The following AGAP3 variants were observed in gnomAD, a reference collection of about 807,000 sequenced individuals.
AGAP3 encodes the protein ArfGAP with GTPase domain, ankyrin repeat and PH domain 3, also known as arf-GAP with GTPase, ANK repeat and PH domain-containing protein 3.
Under a neutral mutation model 96.9 loss-of-function variants are expected in AGAP3, and 24 were observed. The observed-to-expected ratio is 0.25, with a 90% CI of 0.18 to 0.35. AGAP3 has a LOEUF of 0.35. Among genes scored for constraint, AGAP3 ranks in the 10% least tolerant of loss-of-function variants. AGAP3 has a pLI of 1.00. For missense variants in AGAP3, 876 were observed against 1,254.2 expected (o/e 0.70, Z 4.55); for synonymous variants, 563 against 536.1 (o/e 1.05, Z -0.69).
chr7:151,092,186 C>G (rs949924905), intron 1 of AGAP3, among the ~76,000 whole-genome samples: 1 of 152,164 alleles, frequency 6.6e-6, no homozygotes, highest in East Asian at 1.9e-4. Context: ...CCACACCGCT[C>G]GTTTGTGCTT....
At chr7:151,122,602 C>CTCCTCT in intron 8 of AGAP3, 1 of 1,096,380 alleles carries the variant, frequency 9.1e-7, no homozygotes, top group Non-Finnish European at 1.3e-6. Context: ...CCTCCTCCTC[C>CTCCTCT]TCCTCTTCAT....
At position 151,123,891 on chromosome 7, in the gene AGAP3, G is replaced by T; in HGVS notation, c.1221+5G>T. On this transcript the variant is annotated splice_donor_5th_base_variant and intron_variant, in intron 9 of 17. Coordinates refer to ENST00000397238, the MANE Select transcript of AGAP3 (RefSeq NM_031946.7). ...CGCGCCATCCCCATCAAGCAGGTCA[G>T]CGCCTCCCTTCCCGTGTGCTCCAGG... The T allele has an allele frequency of 6.2e-7, 1 of 1,604,882 alleles. No individual in the cohort carries two copies. The highest frequency in any genetic ancestry group is 8.5e-7 in the Non-Finnish European group (1 of 1,179,648).
At chr7:151,138,885 C>G (rs1451366358) in intron 12 of AGAP3, among the ~76,000 whole-genome samples, 3 of 152,172 alleles carry the variant, frequency 2.0e-5, no homozygotes, top group Admixed American at 6.5e-5. Context: ...AGATAGGCCT[C>G]CACCCATCCT....
In AGAP3 at chr7:151,120,060, G is replaced by A. The variant is rs752599574; in HGVS notation, c.1043G>A (p.Arg348Gln). 1.9e-6 allele frequency: 3 copies of A among 1,613,860 alleles called. No homozygotes were observed. Among genetic ancestry groups the A allele is most frequent in the South Asian group, 2.2e-5 (2 of 91,072 alleles). Residue 348 changes from arginine (R) to glutamine (Q), a missense_variant, in exon 8 of 18, where the codon CGG becomes CAG. Coordinates refer to ENST00000397238, the MANE Select transcript of AGAP3 (RefSeq NM_031946.7). ...CCCTCCACCCCCAGCATCAGCCAGC[G>A]GGAGCTGCGCATCGAGACCATCGCT... The part of the protein sequence containing the change: ...SVPSTPSISQ[R>Q]ELRIETIAAS...
chr7:151,129,739 T>C (rs1584772790), intron 10 of AGAP3, among the ~76,000 whole-genome samples: 1 of 130,976 alleles, frequency 7.6e-6, no homozygotes, highest in Non-Finnish European at 1.5e-5. Flanking sequence ...CACTCGCGAG[T>C]CCTTGCGAGG....
At position 151,118,644 on chromosome 7, in the gene AGAP3, GC is replaced by G; in HGVS notation, c.969+16del. ...TGCACATCAACCAGGTTCGGCCTGT[GC>G]CCCGCCCTGCCCTTCCTGTCCCCAC... On this transcript the variant is annotated intron_variant, in intron 7 of 17. Coordinates refer to ENST00000397238, the MANE Select transcript of AGAP3 (RefSeq NM_031946.7). This position sits in a 1 kb window ranked among gnomAD's most constrained non-coding sequence, Gnocchi z 6.1. 2 of 1,609,462 alleles carry G rather than the reference GC, an allele frequency of 1.2e-6. No individual in the cohort carries two copies. The highest frequency in any genetic ancestry group is 8.5e-7 in the Non-Finnish European group (1 of 1,179,090).
chr7:151,143,141 C>T lies in AGAP3; in HGVS notation c.2274-200C>T, dbSNP rs375991561. Among the ~76,000 whole-genome samples, 29 of 152,356 alleles carry T rather than the reference C, an allele frequency of 1.9e-4. No individual in the cohort carries two copies. Among genetic ancestry groups the T allele is most frequent in the African/African-American group, 6.7e-4 (28 of 41,588 alleles). ...CCCTTCCTTTCAGCTTCTCCCACCC[C>T]CCTTTCCATTACCCACTGCCCCTCT... On this transcript the variant is annotated intron_variant, in intron 16 of 17. Coordinates refer to ENST00000397238, the MANE Select transcript of AGAP3 (RefSeq NM_031946.7). This position sits in a 1 kb window ranked among gnomAD's most constrained non-coding sequence, Gnocchi z 5.9.
At chr7:151,100,205 C>T (rs886919405) in intron 1 of AGAP3, among the ~76,000 whole-genome samples, 1 of 152,178 alleles carries the variant, frequency 6.6e-6, no homozygotes, top group African/African-American at 2.4e-5. Context: ...ATTTCGTGCT[C>T]CCCCAGCTGC....
At chr7:151,086,438 G>A (rs1261380905), upstream of AGAP3, among the ~76,000 whole-genome samples, 1 of 146,328 alleles carries the variant, frequency 6.8e-6, no homozygotes, top group Non-Finnish European at 1.5e-5. Context: ...CGCATGACGC[G>A]GGGGGAGGGC....
At chr7:151,124,518 C>A (rs1800075249) in intron 9 of AGAP3, among the ~76,000 whole-genome samples, 2 of 152,156 alleles carry the variant, frequency 1.3e-5, no homozygotes, top group Admixed American at 6.5e-5. Flanking sequence ...GGTGTGTGGG[C>A]AAGAGCCTGA....
chr7:151,143,965 G>C lies in AGAP3; in HGVS notation c.*22G>C, dbSNP rs199790594. Reference sequence around the variant, plus strand: ...ATAAGGCCCAGGAAGAGGGCAGAGGGGCCAGAAGGACTCCATGGCCCAAAG... The same window carrying C: ...ATAAGGCCCAGGAAGAGGGCAGAGGCGCCAGAAGGACTCCATGGCCCAAAG... On this transcript the variant is annotated 3_prime_UTR_variant, in exon 18 of 18. Coordinates refer to ENST00000397238, the MANE Select transcript of AGAP3 (RefSeq NM_031946.7). This position sits in a 1 kb window ranked among gnomAD's most constrained non-coding sequence, Gnocchi z 5.9. 3,855 of 1,606,774 alleles carry C rather than the reference G, an allele frequency of 2.4e-3. 13 individuals are homozygous for C. The highest frequency in any genetic ancestry group is 7.1e-3 in the Middle Eastern group (43 of 6,030).
chr7:151,115,353 C>A, intron 1 of AGAP3: 1 of 1,021,694 alleles, frequency 9.8e-7, no homozygotes, highest in East Asian at 8.4e-5. Context: ...CTTCCGCCTG[C>A]GCCGCGGCCA....
rs746713071 is a variant in AGAP3, at chr7:151,118,578, G to A, written c.915G>A (p.Ser305=). The A allele has an allele frequency of 6.2e-6, 10 of 1,612,988 alleles. No homozygotes were observed. The highest frequency in any genetic ancestry group is 2.2e-5 in the East Asian group (1 of 44,878). ...GGCCCTGCAAGTCACTGCCCAACTCGCCCAGCCACTCGGCCGTGTCCGCCG... is the reference window on the plus strand; with the variant it reads ...GGCCCTGCAAGTCACTGCCCAACTCACCCAGCCACTCGGCCGTGTCCGCCG... ...AIGPCKSLPN[S]PSHSAVSAAS... is the part of the protein sequence containing the mutation. Residue 305 remains serine (S), a synonymous_variant, in exon 7 of 18, where the codon TCG becomes TCA. Transcript: ENST00000397238. The surrounding 1 kb of genome is among the most constrained non-coding windows in gnomAD (Gnocchi z 6.1).
At chr7:151,094,507 T>A (rs530946576) in intron 1 of AGAP3, among the ~76,000 whole-genome samples, 47 of 152,094 alleles carry the variant, frequency 3.1e-4, no homozygotes, top group African/African-American at 1.1e-3. Flanking sequence ...TAAATGACTC[T>A]CGTTGTTTTA....
rs1459483198 is a variant in AGAP3, at chr7:151,142,376, C to A, written c.2051-36C>A. ...GTTGTCCCGCGCTCTGGTGGCCTGC[C>A]TGCTGTCGCTGTATCATTCTCCTCT... On this transcript the variant is annotated intron_variant, in intron 15 of 17. Coordinates refer to ENST00000397238, the MANE Select transcript of AGAP3 (RefSeq NM_031946.7). This position sits in a 1 kb window ranked among gnomAD's most constrained non-coding sequence, Gnocchi z 7.5. The A allele has an allele frequency of 6.2e-7, 1 of 1,603,322 alleles. No individual in the cohort carries two copies. Among genetic ancestry groups the A allele is most frequent in the East Asian group, 2.2e-5 (1 of 44,648 alleles).
At chr7:151,134,825 G>A (rs1800532142) in intron 11 of AGAP3, among the ~76,000 whole-genome samples, 1 of 152,186 alleles carries the variant, frequency 6.6e-6, no homozygotes. Flanking sequence ...CAGTGGTGCT[G>A]GTGGTCCTAG....
intron 8 of AGAP3, chr7:151,123,264 G>A (rs760843213): frequency 3.1e-4 from 323 of 1,051,798 alleles, no homozygotes; most frequent in Middle Eastern, 9.0e-4. Context: ...ATCCGCATTC[G>A]GGTGGACTCT....
In AGAP3 at chr7:151,115,928, C is replaced by T. The variant is rs369552196; in HGVS notation, c.332-865C>T. ...TTCCTAGTTCCCTGTCGGGGCAGCG[C>T]GCTCGCCTCCGGTTGCCCCTGTGCA... On this transcript the variant is annotated intron_variant, in intron 1 of 17. Transcript: ENST00000397238. Among the ~76,000 whole-genome samples, 256 of 152,246 alleles carry T rather than the reference C, an allele frequency of 1.7e-3. 1 individual carries two copies. Among genetic ancestry groups the T allele is most frequent in the African/African-American group, 5.9e-3 (243 of 41,530 alleles).
In AGAP3 at chr7:151,142,140, T is replaced by G. The variant is rs753679423; in HGVS notation, c.1960-23T>G. 2.3e-5 allele frequency: 37 copies of G among 1,612,832 alleles called. No homozygotes were observed. Among genetic ancestry groups the G allele is most frequent in the Middle Eastern group, 3.3e-4 (2 of 6,058 alleles). On this transcript the variant is annotated intron_variant, in intron 14 of 17. Coordinates refer to ENST00000397238, the MANE Select transcript of AGAP3 (RefSeq NM_031946.7). The surrounding 1 kb of genome is among the most constrained non-coding windows in gnomAD (Gnocchi z 7.5). ...CATGACTGACCAACCGCCCCTTGTC[T>G]TGTCTCTCCTGCTGTGCGACAGACT...
Sources: allele counts gnomAD v4.1 joint callset (sites outside exome capture counted in the v4.1 genomes callset), GRCh38; gene constraint gnomAD v4.1.1; non-coding constraint Gnocchi (gnomAD v3.1); transcripts MANE v1.5; gene names NCBI Gene and HGNC (gene_info 2026-07-23, HGNC 2026-07-21).